NAV1: variants seen among roughly 807,000 people sequenced by gnomAD.
NAV1 encodes neuron navigator 1.
Under a neutral mutation model 175.2 loss-of-function variants are expected in NAV1, and 18 were observed. That is an observed-to-expected ratio of 0.10 (90% CI 0.07 to 0.15). The LOEUF (loss-of-function observed/expected upper bound fraction) is 0.15. Ranked by LOEUF, NAV1 falls within the 10% of genes least tolerant of loss-of-function variation. The pLI is 1.00. For synonymous variants in NAV1, 897 were observed against 978.7 expected (o/e 0.92, Z 1.56); for missense variants, 1,731 against 2,436.6 (o/e 0.71, Z 6.10).
chr1:201,811,875 T>A, intron 25 of NAV1, 28 bp from the exon 30 acceptor site: 4 of 1,613,536 alleles, frequency 2.5e-6, no homozygotes, highest in Non-Finnish European at 3.4e-6. Flanking sequence ...CAAGTCTAAG[T>A]GAATCTTTTT....
At chr1:201,648,752 G>C (rs1288411166) in exon 1 of NAV1, 14 of 1,403,730 alleles carry the variant, frequency 1.0e-5, no homozygotes, top group African/African-American at 1.5e-5. Flanking sequence ...ACGAACCGCG[G>C]GGCGCCGGCA....
chr1:201,659,380 C>T lies in NAV1; in HGVS notation c.757+9955C>T, dbSNP rs543568487. Among the ~76,000 whole-genome samples, 3 of 152,300 alleles carry T rather than the reference C, an allele frequency of 2.0e-5. No homozygotes were observed. In the East Asian group the frequency reaches 5.8e-4, roughly 29 times the overall value. On this transcript the variant is annotated intron_variant, in intron 1 of 29. Coordinates refer to ENST00000367296, the Ensembl canonical transcript of NAV1. Reference sequence around the variant, plus strand: ...CCTGTAATCCCAGCACTTTGGGAGGCCGAGGTCGTAGAATCGCTTGAGCCC... The same window carrying T: ...CCTGTAATCCCAGCACTTTGGGAGGTCGAGGTCGTAGAATCGCTTGAGCCC...
At chr1:201,739,226 TG>T (rs1673250967) in intron 3 of NAV1, 1 of 152,238 alleles carries the variant, frequency 6.6e-6, no homozygotes, top group African/African-American at 2.4e-5. Context: ...ACCTAATCTG[TG>T]GTCTCCTGAA....
At chr1:201,608,882 G>C (rs531846384) in intron 2 of NAV1, among the ~76,000 whole-genome samples, 1 of 152,282 alleles carries the variant, frequency 6.6e-6, no homozygotes, top group South Asian at 2.1e-4. Context: ...GCAGGAATGG[G>C]GGCTCAAGCA....
intron 2 of NAV1, among the ~76,000 whole-genome samples, chr1:201,595,935 C>T (rs557937278): frequency 2.0e-5 from 3 of 152,356 alleles, no homozygotes; most frequent in Non-Finnish European, 4.4e-5. Context: ...GGACTGCGTC[C>T]TCTTCAGTTA....
chr1:201,782,196 A>G lies in NAV1; in HGVS notation c.1684A>G (p.Thr562Ala), dbSNP rs1676369090. Residue 562 changes from threonine (T) to alanine (A), a missense_variant, in exon 6 of 30, where the codon ACA becomes GCA. This residue lies in a region of NAV1 where 634 missense variants were observed against 766.8 expected (regional missense o/e 0.83). Coordinates refer to ENST00000367296, the Ensembl canonical transcript of NAV1. This position sits in a 1 kb window ranked among gnomAD's most constrained non-coding sequence, Gnocchi z 5.4. ...TGCAGGCAAACCTGAGGGCAAAGCTACAGACAAGGGTAAGCTTGCAGTGAA... is the reference window on the plus strand; with the variant it reads ...TGCAGGCAAACCTGAGGGCAAAGCTGCAGACAAGGGTAAGCTTGCAGTGAA... 1 of 1,597,154 alleles carries G rather than the reference A, an allele frequency of 6.3e-7. No individual in the cohort carries two copies. Among genetic ancestry groups the G allele is most frequent in the African/African-American group, 1.3e-5 (1 of 74,206 alleles).
At chr1:201,632,143 G>C (rs546364152) in intron 2 of NAV1, among the ~76,000 whole-genome samples, 1 of 152,214 alleles carries the variant, frequency 6.6e-6, no homozygotes, top group East Asian at 1.9e-4. Flanking sequence ...CGGAGCAGGA[G>C]AAGGCCAAAG....
intron 1 of NAV1, among the ~76,000 whole-genome samples, chr1:201,568,542 T>C (rs2102167539): frequency 6.6e-6 from 1 of 152,274 alleles, no homozygotes; most frequent in Middle Eastern, 3.4e-3. Flanking sequence ...ACCCCAAACA[T>C]GCTGGCTGCC....
chr1:201,621,726 A>G (rs1425392116), upstream of NAV1, among the ~76,000 whole-genome samples: 1 of 152,212 alleles, frequency 6.6e-6, no homozygotes, highest in Non-Finnish European at 1.5e-5. Context: ...ATTCACATCT[A>G]TCAGTGTTTT....
chr1:201,668,306 T>C (rs1459270662), intron 1 of NAV1, among the ~76,000 whole-genome samples: 1 of 152,182 alleles, frequency 6.6e-6, no homozygotes, highest in Non-Finnish European at 1.5e-5. Context: ...GCAGGCTTTG[T>C]ACTCAAACGG....
chr1:201,561,763 C>T (rs570050357), intron 1 of NAV1, among the ~76,000 whole-genome samples: 3 of 152,170 alleles, frequency 2.0e-5, no homozygotes, highest in Non-Finnish European at 1.5e-5. Context: ...GTTCCCTACT[C>T]AGCCTGGGGC....
At chr1:201,656,194 C>T (rs1669395732) in intron 1 of NAV1, among the ~76,000 whole-genome samples, 1 of 152,258 alleles carries the variant, frequency 6.6e-6, no homozygotes, top group Admixed American at 6.5e-5. Flanking sequence ...CTATTTTAGA[C>T]ATCTCAATGA....
At chr1:201,798,707 T>C (rs1248718845) in intron 15 of NAV1, 3 of 132,142 alleles carry the variant, frequency 2.3e-5, no homozygotes, top group African/African-American at 8.7e-5. Flanking sequence ...TTTTTTTTTT[T>C]TTTTTTTTTT....
chr1:201,699,753 A>G (rs149562856), intron 1 of NAV1, among the ~76,000 whole-genome samples: 2,867 of 152,318 alleles, frequency 0.019, 93 homozygotes, highest in African/African-American at 0.066. Context: ...ATGTAGACCA[A>G]TGGAACAGAA....
At chr1:201,699,384 G>C (rs1287468287) in intron 1 of NAV1, among the ~76,000 whole-genome samples, 1 of 152,026 alleles carries the variant, frequency 6.6e-6, no homozygotes, top group African/African-American at 2.4e-5. Flanking sequence ...AACTTACAAG[G>C]GATGTGAAGG....
intron 29 of NAV1, among the ~76,000 whole-genome samples, chr1:201,817,821 C>T (rs1344060214): frequency 6.6e-6 from 1 of 152,168 alleles, no homozygotes; most frequent in Non-Finnish European, 1.5e-5. Flanking sequence ...TCATGGAACT[C>T]CTGTAGAAAG....
chr1:201,741,651 C>A (rs116792905), intron 3 of NAV1, among the ~76,000 whole-genome samples: 2 of 152,222 alleles, frequency 1.3e-5, no homozygotes, highest in African/African-American at 4.8e-5. Context: ...CTCTTAAATT[C>A]TTTGCTTCCC....
intron 1 of NAV1, among the ~76,000 whole-genome samples, chr1:201,712,343 CT>C (rs1186302833): frequency 6.6e-6 from 1 of 152,178 alleles, no homozygotes; most frequent in Non-Finnish European, 1.5e-5. Context: ...TGATAGGAGG[CT>C]TTATACCAGG....
intron 2 of NAV1, among the ~76,000 whole-genome samples, chr1:201,596,570 T>C (rs1379604233): frequency 6.6e-6 from 1 of 152,234 alleles, no homozygotes; most frequent in African/African-American, 2.4e-5. Flanking sequence ...TGTCACTCTC[T>C]GGCTCTGTCT....
Sources: allele counts gnomAD v4.1 joint callset (sites outside exome capture counted in the v4.1 genomes callset), GRCh38; gene constraint gnomAD v4.1.1; regional missense constraint gnomAD v4.1.1; non-coding constraint Gnocchi (gnomAD v3.1); transcripts MANE v1.5; gene names NCBI Gene and HGNC (gene_info 2026-07-23, HGNC 2026-07-21).